Variants in CYP20A1 observed in about 807,000 individuals in gnomAD.
The protein encoded by CYP20A1 is cytochrome P450 family 20 subfamily A member 1.
Under a neutral mutation model 61.4 loss-of-function variants are expected in CYP20A1, and 61 were observed. The observed-to-expected ratio is 0.99, with a 90% confidence interval of 0.81 to 1.23. CYP20A1 has a LOEUF of 1.23. Ranked by LOEUF, CYP20A1 falls within the 50% of genes most tolerant of loss-of-function variation. CYP20A1 has a pLI of 0.00. For synonymous variants in CYP20A1, 193 were observed against 188.2 expected (o/e 1.03, Z -0.21); for missense variants, 530 against 542.4 (o/e 0.98, Z 0.23).
At chr2:203,254,578 G>A (rs936228192) in intron 4 of CYP20A1, among the ~76,000 whole-genome samples, 5 of 151,848 alleles carry the variant, frequency 3.3e-5, no homozygotes, top group Admixed American at 2.0e-4. Flanking sequence ...TATCATTCCG[G>A]TGTTTTGTGT....
At chr2:203,288,398 C>T (rs930202058) in intron 9 of CYP20A1, among the ~76,000 whole-genome samples, 5 of 152,036 alleles carry the variant, frequency 3.3e-5, no homozygotes, top group African/African-American at 1.2e-4. Context: ...AAAGCCCTTT[C>T]CCTAGAGTAG....
intron 3 of CYP20A1, among the ~76,000 whole-genome samples, chr2:203,251,332 A>C (rs1027237571): frequency 4.6e-5 from 7 of 151,560 alleles, no homozygotes; most frequent in Admixed American, 1.3e-4. Context: ...AAATCAGGGG[A>C]ATGTGCTTTT....
chr2:203,278,566 C>T lies in CYP20A1; in HGVS notation c.680-7C>T. On this transcript the variant is annotated splice_region_variant and splice_polypyrimidine_tract_variant and intron_variant, in intron 6 of 12. Coordinates refer to ENST00000356079, the MANE Select transcript of CYP20A1 (RefSeq NM_177538.3). Reference sequence around the variant, plus strand: ...TATTCTAAAATTATTTTGTTTTTTTCTCTAAGCCCTCATGCAACTGGAGTC... The same window carrying T: ...TATTCTAAAATTATTTTGTTTTTTTTTCTAAGCCCTCATGCAACTGGAGTC... 2 of 1,468,512 alleles carry T rather than the reference C, an allele frequency of 1.4e-6. No individual in the cohort carries two copies. Among genetic ancestry groups the T allele is most frequent in the Admixed American group, 2.1e-5 (1 of 47,282 alleles). 91.0% of individuals were successfully genotyped at this position (1,468,512 alleles called of 1,614,324 possible). A position where few individuals can be genotyped will look rare whatever the true frequency, so the allele number is the denominator to read the frequency against.
At chr2:203,264,159 A>AT (rs1404792989) in intron 4 of CYP20A1, among the ~76,000 whole-genome samples, 2 of 151,532 alleles carry the variant, frequency 1.3e-5, no homozygotes, top group African/African-American at 2.4e-5. Flanking sequence ...CTAACTTTTA[A>AT]TTTTTTTTGT....
chr2:203,296,472 AGGTTTGATCCAGATC>A lies in CYP20A1; in HGVS notation c.1156_1170del (p.Pro386_Asp390del), dbSNP rs1331594343. 1 of 1,605,258 alleles carries A rather than the reference AGGTTTGATCCAGATC, an allele frequency of 6.2e-7. No homozygotes were observed. The highest frequency in any genetic ancestry group is 2.2e-5 in the East Asian group (1 of 44,670). ...GTGATTAACCTCAAATTTTCTTTGT[AGGTTTGATCCAGATC>A]GGTTTGATGATGAATTAGTAATGAA... On this transcript the variant is annotated splice_acceptor_variant and coding_sequence_variant, in exon 12 of 13. Coordinates refer to ENST00000356079, the MANE Select transcript of CYP20A1 (RefSeq NM_177538.3). LOFTEE classifies it high-confidence loss of function.
rs2068455777 is a variant in CYP20A1 at position 203,289,828 on chromosome 2, G to A, written c.1035G>A (p.Gln345=). 1.2e-6 allele frequency: 2 copies of A among 1,601,344 alleles called. No individual in the cohort carries two copies. Among genetic ancestry groups the A allele is most frequent in the Non-Finnish European group, 1.7e-6 (2 of 1,173,062 alleles). ...CCAAACTGACTCCAGTTTCTGCCCA[G>A]CTTCAAGATATTGAAGGAAAAATTG... ...RTAKLTPVSA[Q]LQDIEGKIDR... Residue 345 remains glutamine, a synonymous_variant, in exon 10 of 13, where the codon CAG becomes CAA. Transcript: ENST00000356079.
At position 203,296,525 on chromosome 2, in the gene CYP20A1, A is replaced by C; in HGVS notation, c.1200A>C (p.Ser400=). ...DDELVMKTFS[S]LGFSGTQECP... ...AATTAGTAATGAAAACTTTTTCCTCACTTGGATTCTCAGGCACACAGGAGT... is the reference window on the plus strand; with the variant it reads ...AATTAGTAATGAAAACTTTTTCCTCCCTTGGATTCTCAGGCACACAGGAGT... The change falls in exon 12 of 13, where the codon TCA becomes TCC. Residue 400 remains serine (S), a synonymous_variant. Coordinates refer to ENST00000356079, the MANE Select transcript of CYP20A1 (RefSeq NM_177538.3). 1 of 1,612,886 alleles carries C rather than the reference A, an allele frequency of 6.2e-7. No homozygotes were observed. Among genetic ancestry groups the C allele is most frequent in the East Asian group, 2.2e-5 (1 of 44,778 alleles).
rs149848848 is a variant in CYP20A1 at position 203,246,712 on chromosome 2, CAAATT to C, written c.123-37_123-33del. 8,869 of 1,580,668 alleles carry C rather than the reference CAAATT, an allele frequency of 5.6e-3. 446 individuals are homozygous for C. The African/African-American group carries it at 0.1, about 19-fold the overall frequency. ...TCAACTGTTGTTTTTCTCATTTTTC[CAAATT>C]AAATTGATTATTTTGTCAAATGTTG... On this transcript the variant is annotated intron_variant, in intron 2 of 12. Coordinates refer to ENST00000356079, the MANE Select transcript of CYP20A1 (RefSeq NM_177538.3).
Position 203,272,550 on chromosome 2 carries a change from C to CAAAA in CYP20A1, c.601-102_601-99dup, listed in dbSNP as rs368688435. The CAAAA allele has an allele frequency of 6.0e-3, 776 of 128,782 alleles. 13 individuals are homozygous for CAAAA. The highest frequency in any genetic ancestry group is 7.3e-3 in the South Asian group (74 of 10,104). 8.0% of individuals were successfully genotyped at this position (128,782 alleles called of 1,614,324 possible). On this transcript the variant is annotated intron_variant, in intron 5 of 12. Transcript: ENST00000356079. ...AGGTGACAGAGCCGGAACCCTGACT[C>CAAAA]AAAAAAAAAAAAAAAAAAAAAGAGT...
chr2:203,270,319 T>A (rs948926314), intron 5 of CYP20A1, among the ~76,000 whole-genome samples: 3 of 152,118 alleles, frequency 2.0e-5, no homozygotes, highest in African/African-American at 4.8e-5. Flanking sequence ...GGTTTTTTTT[T>A]ATGTCCTCTG....
chr2:203,279,576 A>T (rs1349723964), intron 7 of CYP20A1, among the ~76,000 whole-genome samples: 1 of 152,106 alleles, frequency 6.6e-6, no homozygotes, highest in Non-Finnish European at 1.5e-5. Context: ...CACTATACAC[A>T]TGCAAGTCCT....
intron 7 of CYP20A1, among the ~76,000 whole-genome samples, 172 bp from the exon 8 acceptor site, chr2:203,279,887 T>C (rs924445455): frequency 6.6e-6 from 1 of 152,212 alleles, no homozygotes; most frequent in Non-Finnish European, 1.5e-5. Context: ...GGTATTTAGG[T>C]TGGTATTCAC....
At chr2:203,249,649 A>T (rs997315980) in intron 3 of CYP20A1, among the ~76,000 whole-genome samples, 13 of 152,200 alleles carry the variant, frequency 8.5e-5, no homozygotes, top group Admixed American at 1.3e-4. Flanking sequence ...GTTCGAGACC[A>T]GCCTGGCCAA....
At position 203,302,572 on chromosome 2, in the gene CYP20A1, A is replaced by G. The variant is rs2069062597; in HGVS notation, c.*5664A>G. Among the ~76,000 whole-genome samples, 1 of 152,274 alleles carries G rather than the reference A, an allele frequency of 6.6e-6. No homozygotes were observed. On this transcript the variant is annotated 3_prime_UTR_variant, in exon 13 of 13. Transcript: ENST00000356079. ...ATAGATACTCTTTTTATGCATATGT[A>G]ATTTATATATATTATACAAAATATT...
At chr2:203,292,907 G>A (rs1187797626) in intron 11 of CYP20A1, among the ~76,000 whole-genome samples, 3 of 152,114 alleles carry the variant, frequency 2.0e-5, no homozygotes, top group African/African-American at 7.2e-5. Context: ...CGGGCACCGT[G>A]GCTCATGCCT....
Position 203,298,910 on chromosome 2 carries a change from C to G in CYP20A1, c.*2002C>G, listed in dbSNP as rs1350065393. ...ATTATCTGGACATGCTGGCGTGCGC[C>G]TGTAGTCTCAGCTACTTGGGAGGCT... On this transcript the variant is annotated 3_prime_UTR_variant, in exon 13 of 13. Transcript: ENST00000356079. Among the ~76,000 whole-genome samples, 1 of 147,730 alleles carries G rather than the reference C, an allele frequency of 6.8e-6. No homozygotes were observed. Among genetic ancestry groups the G allele is most frequent in the Non-Finnish European group, 1.5e-5 (1 of 66,760 alleles).
chr2:203,277,354 A>AAGAAG (rs1553517216), intron 6 of CYP20A1, among the ~76,000 whole-genome samples: 1 of 147,728 alleles, frequency 6.8e-6, no homozygotes, highest in Non-Finnish European at 1.5e-5. Context: ...TCTCAAAAAA[A>AAGAAG]AAAAGAAAAA....
At chr2:203,239,289 G>A (rs934466784) in intron 1 of CYP20A1, among the ~76,000 whole-genome samples, 155 bp downstream of exon 1, 6 of 152,124 alleles carry the variant, frequency 3.9e-5, no homozygotes, top group African/African-American at 1.4e-4. Flanking sequence ...ACCGCACCCG[G>A]AGTCACGTGA....
At chr2:203,274,482 G>A (rs139718717) in intron 6 of CYP20A1, among the ~76,000 whole-genome samples, 69 of 152,180 alleles carry the variant, frequency 4.5e-4, no homozygotes, top group African/African-American at 1.6e-3. Flanking sequence ...CACCACGTCC[G>A]GCCAATACTT....
Sources: allele counts gnomAD v4.1 joint callset (sites outside exome capture counted in the v4.1 genomes callset), GRCh38; gene constraint gnomAD v4.1.1; transcripts MANE v1.5; gene names NCBI Gene and HGNC (gene_info 2026-07-23, HGNC 2026-07-21).